Variants in MINK1 observed in about 807,000 individuals in gnomAD.
The protein encoded by MINK1 is misshapen-like kinase 1.
Under a neutral mutation model 178.4 loss-of-function variants are expected in MINK1, and 46 were observed. That is an observed-to-expected ratio of 0.26 (90% CI 0.20 to 0.33). MINK1 has a LOEUF of 0.33. Ranked by LOEUF, MINK1 falls within the 10% of genes least tolerant of loss-of-function variation. MINK1 has a pLI of 1.00. For missense variants in MINK1, 1,366 were observed against 1,814.9 expected (o/e 0.75, Z 4.49); for synonymous variants, 797 against 709.7 (o/e 1.12, Z -1.96).
At chr17:4,869,829 A>G (rs1463654136) in intron 1 of MINK1, among the ~76,000 whole-genome samples, 4 of 120,720 alleles carry the variant, frequency 3.3e-5, no homozygotes, top group East Asian at 2.3e-4. Flanking sequence ...TTGTTTATTT[A>G]TTTATTTATT....
intron 1 of MINK1, among the ~76,000 whole-genome samples, chr17:4,876,754 G>A (rs1441264637): frequency 6.6e-6 from 1 of 152,124 alleles, no homozygotes; most frequent in Non-Finnish European, 1.5e-5. Context: ...CTGCAGCGGT[G>A]GGGACGGGCC....
chr17:4,893,251 C>G (rs74354397), intron 20 of MINK1, 183 bp from the exon 21 acceptor site: 1 of 1,612,482 alleles, frequency 6.2e-7, no homozygotes, highest in African/African-American at 1.3e-5. Flanking sequence ...CCTAACCTCT[C>G]TTCTGGCTCT....
At chr17:4,855,435 G>T (rs1259758812) in intron 1 of MINK1, among the ~76,000 whole-genome samples, 1 of 143,044 alleles carries the variant, frequency 7.0e-6, no homozygotes, top group Non-Finnish European at 1.5e-5. Context: ...GCAGTGAGCT[G>T]AGATTGTGGC....
rs1425170464 is a variant in MINK1 at position 4,836,293 on chromosome 17, G to A, written c.57+2653G>A. 6.6e-6 allele frequency among the ~76,000 whole-genome samples: 1 copy of A among 152,182 alleles called. No homozygotes were observed. The highest frequency in any genetic ancestry group is 1.5e-5 in the Non-Finnish European group (1 of 68,046). ...GTTTCAAGATAAGGCTTGGTTTTCA[G>A]CTGGTGATGAGGGTAATCGTCTGAT... On this transcript the variant is annotated intron_variant, in intron 1 of 31. Coordinates refer to ENST00000355280, the MANE Select transcript of MINK1 (RefSeq NM_153827.5). The surrounding 1 kb of genome is among the most constrained non-coding windows in gnomAD (Gnocchi z 4.3).
intron 13 of MINK1, chr17:4,890,005 TC>T (rs1444759300): frequency 2.9e-5 from 14 of 479,172 alleles, no homozygotes; most frequent in Admixed American, 1.6e-4. Flanking sequence ...CCCTTCCTCA[TC>T]CCCCCTCATT....
rs1252468497 is a variant in MINK1 at position 4,897,734 on chromosome 17, G to T, written c.*447G>T. The T allele has an allele frequency of 6.5e-6, 1 of 154,906 alleles. No individual in the cohort carries two copies. The highest frequency in any genetic ancestry group is 2.4e-5 in the African/African-American group (1 of 41,480). The allele number at this position is 154,906 out of a possible 1,614,324, so 9.6% of individuals were successfully genotyped here. A position where few individuals can be genotyped will look rare whatever the true frequency, so the allele number is the denominator to read the frequency against. Reference sequence around the variant, plus strand: ...TCACTGGGCCCTAGATTTTTGGGGGGTCACCAGCCACTCCAGGGGCAGGGA... The same window carrying T: ...TCACTGGGCCCTAGATTTTTGGGGGTTCACCAGCCACTCCAGGGGCAGGGA... On this transcript the variant is annotated 3_prime_UTR_variant, in exon 32 of 32. Coordinates refer to ENST00000355280, the MANE Select transcript of MINK1 (RefSeq NM_153827.5).
intron 1 of MINK1, chr17:4,847,127 C>T (rs1157386674): frequency 8.6e-6 from 4 of 464,388 alleles, no homozygotes; most frequent in Admixed American, 4.6e-5. Context: ...AGTGGGAGGC[C>T]TGCTAACACA....
intron 1 of MINK1, among the ~76,000 whole-genome samples, chr17:4,864,777 C>G (rs149586603): frequency 4.2e-4 from 64 of 152,224 alleles, no homozygotes; most frequent in African/African-American, 1.5e-3. Context: ...TCTGAGATGG[C>G]CGATATGGGC....
chr17:4,849,764 G>T (rs959794334), intron 1 of MINK1, among the ~76,000 whole-genome samples: 1 of 152,080 alleles, frequency 6.6e-6, no homozygotes, highest in Non-Finnish European at 1.5e-5. Flanking sequence ...GTAGAGGTGG[G>T]GTTTCTCCAT....
Position 4,891,729 on chromosome 17 carries a change from C to T in MINK1, c.2001+13C>T. 1 of 1,593,800 alleles carries T rather than the reference C, an allele frequency of 6.3e-7. No individual in the cohort carries two copies. The highest frequency in any genetic ancestry group is 8.5e-7 in the Non-Finnish European group (1 of 1,169,914). Reference sequence around the variant, plus strand: ...GGCCCCACCCAAGGTAAGGACAGTTCTGCAGGCCCAGGGAAAAGCAGAGAG... The same window carrying T: ...GGCCCCACCCAAGGTAAGGACAGTTTTGCAGGCCCAGGGAAAAGCAGAGAG... On this transcript the variant is annotated intron_variant, in intron 16 of 31. Transcript: ENST00000355280.
intron 1 of MINK1, chr17:4,875,501 A>T: frequency 2.2e-6 from 1 of 453,716 alleles, no homozygotes; most frequent in Non-Finnish European, 4.4e-6. Flanking sequence ...GGCCGTGCGC[A>T]GTGGCTCACA....
chr17:4,879,629 C>T (rs139496841), intron 2 of MINK1, among the ~76,000 whole-genome samples: 15,838 of 152,178 alleles, frequency 0.1, 1,562 homozygotes, highest in East Asian at 0.49. Context: ...CCATCCTGCT[C>T]GTCCCCAGGA....
chr17:4,884,856 AC>A, intron 5 of MINK1, 55 bp from the exon 6 acceptor site: 1 of 1,490,506 alleles, frequency 6.7e-7, no homozygotes, highest in Non-Finnish European at 9.3e-7. Context: ...CTCCCCACTT[AC>A]TCTTTCCTAC....
At chr17:4,890,025 C>T in intron 13 of MINK1, 1 of 556,062 alleles carries the variant, frequency 1.8e-6, no homozygotes, top group Non-Finnish European at 3.2e-6. Flanking sequence ...TTCCCTGTGC[C>T]CTCTTCTTCC....
rs561338282 is a variant in MINK1 at position 4,876,098 on chromosome 17, A to AT, written c.58-2209dup. ...GCGTGAGCCACCGCGCCCGGCCAAG[A>AT]TTTTTTTTTTCGTAACTTTAACTGA... On this transcript the variant is annotated intron_variant, in intron 1 of 31. Coordinates refer to ENST00000355280, the MANE Select transcript of MINK1 (RefSeq NM_153827.5). Among the ~76,000 whole-genome samples the AT allele has an allele frequency of 1.4e-3, 218 of 150,488 alleles. 1 individual carries two copies. The highest frequency in any genetic ancestry group is 2.7e-3 in the Non-Finnish European group (179 of 67,464).
chr17:4,857,385 G>A (rs1913337363), intron 1 of MINK1: 1 of 155,308 alleles, frequency 6.4e-6, no homozygotes, highest in Non-Finnish European at 1.4e-5. Flanking sequence ...GTCTGTGAGT[G>A]GGGAGGGGGA....
chr17:4,868,652 A>G (rs1365927480), intron 1 of MINK1, among the ~76,000 whole-genome samples: 1 of 152,234 alleles, frequency 6.6e-6, no homozygotes, highest in African/African-American at 2.4e-5. Flanking sequence ...TTATGTATGC[A>G]TTTATTTAGG....
At chr17:4,855,382 A>C (rs1451941543) in intron 1 of MINK1, among the ~76,000 whole-genome samples, 2 of 149,240 alleles carry the variant, frequency 1.3e-5, no homozygotes, top group Non-Finnish European at 3.0e-5. Context: ...GCTACTCAGG[A>C]GGCTGAGGCA....
In MINK1 at chr17:4,891,129, G is replaced by A. The variant is rs896149535; in HGVS notation, c.1740+5G>A. 6.6e-7 allele frequency: 1 copy of A among 1,515,464 alleles called. No homozygotes were observed. Among genetic ancestry groups the A allele is most frequent in the Non-Finnish European group, 8.8e-7 (1 of 1,132,050 alleles). The allele number at this position is 1,515,464 out of a possible 1,614,324, so 93.9% of individuals were successfully genotyped here. A position where few individuals can be genotyped will look rare whatever the true frequency, so the allele number is the denominator to read the frequency against. Reference sequence around the variant, plus strand: ...CCCCAGGAGGGACCGCACAAGGTGAGTCTCTCCCCACCCCTGTCTTAATGA... The same window carrying A: ...CCCCAGGAGGGACCGCACAAGGTGAATCTCTCCCCACCCCTGTCTTAATGA... On this transcript the variant is annotated splice_donor_5th_base_variant and intron_variant, in intron 15 of 31. Coordinates refer to ENST00000355280, the MANE Select transcript of MINK1 (RefSeq NM_153827.5).
Sources: gnomAD v4.1 joint callset for allele counts (sites outside exome capture counted in the v4.1 genomes callset) on GRCh38, gnomAD v4.1.1 for gene constraint, Gnocchi (gnomAD v3.1) non-coding constraint, MANE v1.5 for transcripts, NCBI Gene and HGNC (gene_info 2026-07-23, HGNC 2026-07-21) for gene names.